NUGGC: variants seen among roughly 807,000 people sequenced by gnomAD.
NUGGC encodes nuclear GTPase SLIP-GC.
A neutral mutation model predicts 92.6 loss-of-function variants in NUGGC; 58 were observed. That is an observed-to-expected ratio of 0.63 (90% CI 0.51 to 0.78). The LOEUF (loss-of-function observed/expected upper bound fraction) is 0.78, where lower values mean the gene tolerates loss of function less well. NUGGC is among the 30% of genes least tolerant of loss of function. NUGGC has a pLI of 0.00. For synonymous variants in NUGGC, 376 were observed against 366.4 expected (o/e 1.03, Z -0.30); for missense variants, 925 against 964.6 (o/e 0.96, Z 0.54).
In NUGGC at chr8:28,060,247, A is replaced by T. The variant is rs112288706; in HGVS notation, c.1097+179T>A. 4.3e-5 allele frequency: 31 copies of T among 722,240 alleles called. No homozygotes were observed. The African/African-American group carries it at 5.2e-4, about 12-fold the overall frequency. 44.7% of individuals were successfully genotyped at this position (722,240 alleles called of 1,614,324 possible). A position where few individuals can be genotyped will look rare whatever the true frequency, so the allele number is the denominator to read the frequency against. On this transcript the variant is annotated intron_variant, in intron 8 of 18. Transcript: ENST00000413272. Reference sequence around the variant, plus strand: ...CCTGGAAGGTTCAGATTCCTAAGACAACCCAACCAAGGGTCCTGATGTCCC... The same window carrying T: ...CCTGGAAGGTTCAGATTCCTAAGACTACCCAACCAAGGGTCCTGATGTCCC...
At chr8:28,056,896 C>T (rs775408688) in intron 9 of NUGGC, among the ~76,000 whole-genome samples, 31 of 152,160 alleles carry the variant, frequency 2.0e-4, no homozygotes, top group Non-Finnish European at 3.5e-4. Flanking sequence ...ACTTCAGAGC[C>T]ACCTCCTGTT....
intron 7 of NUGGC, among the ~76,000 whole-genome samples, chr8:28,062,099 C>A (rs1810321523): frequency 6.6e-6 from 1 of 152,190 alleles, no homozygotes; most frequent in South Asian, 2.1e-4. Flanking sequence ...GTCCAGGAAC[C>A]TTTTGGCTCC....
intron 1 of NUGGC, among the ~76,000 whole-genome samples, chr8:28,081,637 G>C (rs146657998): frequency 0.012 from 1,818 of 152,198 alleles, 11 homozygotes; most frequent in Non-Finnish European, 0.018. Context: ...CCAACATTTT[G>C]GGAGGCTGAG....
intron 11 of NUGGC, among the ~76,000 whole-genome samples, chr8:28,046,830 G>C (rs1174207741): frequency 6.7e-6 from 1 of 149,956 alleles, no homozygotes; most frequent in Non-Finnish European, 1.5e-5. Flanking sequence ...ACCACGTCCG[G>C]CTAATTTTTG....
rs751612628 is a variant in NUGGC at position 28,041,092 on chromosome 8, C to T, written c.1570G>A (p.Ala524Thr). ...EQPLQEGVRTARTSYRCILRA... is the reference protein window; with the variant it reads ...EQPLQEGVRTTRTSYRCILRA... ...AGGATGCAGCGGTAAGAAGTCCTGGCGGTCCTGACCCCTTCTTGCAGAGGC... is the reference window on the plus strand; with the variant it reads ...AGGATGCAGCGGTAAGAAGTCCTGGTGGTCCTGACCCCTTCTTGCAGAGGC... The change falls in exon 13 of 19, where the codon GCC (alanine) becomes ACC (threonine). Residue 524 changes from alanine to threonine, a missense_variant. Coordinates refer to ENST00000413272, the MANE Select transcript of NUGGC (RefSeq NM_001010906.2). 2.2e-5 allele frequency: 35 copies of T among 1,606,514 alleles called. No homozygotes were observed. The highest frequency in any genetic ancestry group is 1.6e-4 in the Middle Eastern group (1 of 6,070).
rs1809162472 is a variant in NUGGC at position 28,023,223 on chromosome 8, G to A, written c.*94C>T. 5.1e-6 allele frequency: 7 copies of A among 1,376,092 alleles called. No homozygotes were observed. The South Asian group carries it at 8.5e-5, about 17-fold the overall frequency. 85.2% of individuals were successfully genotyped at this position (1,376,092 alleles called of 1,614,324 possible). On this transcript the variant is annotated 3_prime_UTR_variant, in exon 19 of 19. Coordinates refer to ENST00000413272, the MANE Select transcript of NUGGC (RefSeq NM_001010906.2). ...ACTGCACTCCAGCCTGGGCAACAGA[G>A]GTAGATAGATCTTGTCTCTTAAGAA... is the stretch of plus-strand genomic sequence containing the variant.
At chr8:28,034,842 C>T (rs1435829677) in intron 13 of NUGGC, among the ~76,000 whole-genome samples, 3 of 152,096 alleles carry the variant, frequency 2.0e-5, no homozygotes, top group Non-Finnish European at 1.5e-5. Flanking sequence ...AAAAATTGTA[C>T]TAATAACCAT....
At chr8:28,045,982 G>A (rs1014889819) in intron 11 of NUGGC, among the ~76,000 whole-genome samples, 1 of 152,126 alleles carries the variant, frequency 6.6e-6, no homozygotes, top group African/African-American at 2.4e-5. Flanking sequence ...GTAAACCAAA[G>A]TGCTCGGAAT....
chr8:28,035,196 A>G (rs549695117), intron 13 of NUGGC, among the ~76,000 whole-genome samples: 1 of 152,300 alleles, frequency 6.6e-6, no homozygotes, highest in South Asian at 2.1e-4. Context: ...CCACTCACTC[A>G]TTCACTTTCT....
intron 12 of NUGGC, among the ~76,000 whole-genome samples, chr8:28,042,748 T>C (rs912931391): frequency 3.3e-5 from 5 of 152,172 alleles, no homozygotes; most frequent in Non-Finnish European, 7.4e-5. Flanking sequence ...GCAAAACCCA[T>C]AGACATTTGT....
At chr8:28,063,406 G>T (rs906871317) in intron 7 of NUGGC, among the ~76,000 whole-genome samples, 2 of 152,262 alleles carry the variant, frequency 1.3e-5, no homozygotes, top group African/African-American at 2.4e-5. Context: ...TCGCTCTCTC[G>T]GCCGGGCCTG....
At chr8:28,024,901 T>C (rs1243199000) in intron 18 of NUGGC, among the ~76,000 whole-genome samples, 2 of 152,200 alleles carry the variant, frequency 1.3e-5, no homozygotes, top group Admixed American at 6.5e-5. Flanking sequence ...GAAGTCTGAG[T>C]GGGTTCCCTC....
intron 1 of NUGGC, 140 bp downstream of exon 1, chr8:28,083,635 T>C (rs1201072623): frequency 1.3e-5 from 2 of 152,054 alleles, no homozygotes; most frequent in African/African-American, 2.4e-5. Context: ...AATGGGGAAG[T>C]TGGGTGGGAA....
At chr8:28,080,315 A>G (rs535540095) in intron 1 of NUGGC, among the ~76,000 whole-genome samples, 15 of 152,338 alleles carry the variant, frequency 9.8e-5, no homozygotes, top group African/African-American at 3.6e-4. Context: ...TATCAGAGGA[A>G]TACATTTTCA....
chr8:28,077,838 A>T (rs970327937), intron 1 of NUGGC, among the ~76,000 whole-genome samples: 1 of 152,238 alleles, frequency 6.6e-6, no homozygotes, highest in South Asian at 2.1e-4. Flanking sequence ...AGTTGATAAG[A>T]GTCGTGGTCA....
At chr8:28,031,637 G>T (rs565129651) in intron 14 of NUGGC, among the ~76,000 whole-genome samples, 1 of 152,308 alleles carries the variant, frequency 6.6e-6, no homozygotes, top group Non-Finnish European at 1.5e-5. Flanking sequence ...TGTGTCCAAG[G>T]TCACACAGCT....
rs537165978 is a variant in NUGGC, at chr8:28,035,242, CTCTA to C, written c.1612-1549_1612-1546del. Among the ~76,000 whole-genome samples the C allele has an allele frequency of 1.2e-4, 19 of 152,352 alleles. No homozygotes were observed. In the East Asian group the frequency reaches 3.3e-3, roughly 26 times the overall value. ...TTTTTCAATCATGGGATAGAAACAG[CTCTA>C]TCTAAGGTCACTTCTTTATCTATTG... On this transcript the variant is annotated intron_variant, in intron 13 of 18. Coordinates refer to ENST00000413272, the MANE Select transcript of NUGGC (RefSeq NM_001010906.2).
intron 13 of NUGGC, among the ~76,000 whole-genome samples, chr8:28,036,295 G>A (rs1333242881): frequency 6.6e-6 from 1 of 152,100 alleles, no homozygotes; most frequent in Non-Finnish European, 1.5e-5. Context: ...CTACCTCTCA[G>A]GCTTTTCCTT....
chr8:28,027,571 C>T (rs974707511), intron 17 of NUGGC, among the ~76,000 whole-genome samples: 1 of 152,174 alleles, frequency 6.6e-6, no homozygotes, highest in Non-Finnish European at 1.5e-5. Flanking sequence ...CAACTAAAAC[C>T]CCTTTCTTCC....
Sources: allele counts gnomAD v4.1 joint callset (sites outside exome capture counted in the v4.1 genomes callset), GRCh38; gene constraint gnomAD v4.1.1; transcripts MANE v1.5; gene names NCBI Gene and HGNC (gene_info 2026-07-23, HGNC 2026-07-21).